Variants in FLT3LG observed in about 807,000 individuals in gnomAD.
The protein encoded by FLT3LG is fms related receptor tyrosine kinase 3 ligand, also known as fms-related tyrosine kinase 3 ligand.
Under a neutral mutation model 30.9 loss-of-function variants are expected in FLT3LG, and 8 were observed. The ratio of observed to expected loss-of-function variants is 0.26; its 90% CI spans 0.15 to 0.47. FLT3LG has a LOEUF of 0.47. Among genes scored for constraint, FLT3LG ranks in the 20% least tolerant of loss-of-function variants. The pLI is 0.99. For missense variants in FLT3LG, 278 were observed against 306.2 expected, an observed-to-expected ratio of 0.91 and a Z score of 0.69; for synonymous variants, 123 against 135.9, an observed-to-expected ratio of 0.91 and a Z score of 0.66.
intron 8 of FLT3LG, among the ~76,000 whole-genome samples, chr19:49,485,288 C>T (rs1448438383): frequency 2.3e-5 from 3 of 129,604 alleles, no homozygotes; most frequent in African/African-American, 8.7e-5. Flanking sequence ...TCGCTCTTGT[C>T]GCCCAGGCTG....
At chr19:49,474,552 G>A in intron 1 of FLT3LG, 51 bp from the exon 2 acceptor site, 2 of 1,378,554 alleles carry the variant, frequency 1.5e-6, no homozygotes, top group Non-Finnish European at 2.0e-6. Flanking sequence ...GGCGGGCAGG[G>A]CAGGGGCTGG....
intron 8 of FLT3LG, 147 bp from the exon 9 acceptor site, chr19:49,485,868 C>T (rs967746604): frequency 6.6e-6 from 1 of 152,236 alleles, no homozygotes; most frequent in African/African-American, 2.4e-5. Flanking sequence ...ACAGCAATGC[C>T]CTAGCACATA....
chr19:49,479,128 C>A, intron 6 of FLT3LG, 81 bp downstream of exon 6: 2 of 1,249,418 alleles, frequency 1.6e-6, no homozygotes, highest in Admixed American at 3.2e-5. Flanking sequence ...CATCCCAGAC[C>A]CCATCTTTCT....
Position 49,478,912 on chromosome 19 carries a change from C to G in FLT3LG, c.346C>G (p.Pro116Ala), listed in dbSNP as rs1444977950. The change falls in exon 6 of 9, where the codon CCC becomes GCC. Residue 116 changes from proline to alanine, a missense_variant. Transcript: ENST00000597551. ...HFVTKCAFQP[P>A]PSCLRFVQTN... ...CGTCTCCCTCCCCTGCTCCCAGCCC[C>G]CCCCCAGCTGTCTTCGCTTCGTCCA... 3.8e-5 allele frequency: 58 copies of G among 1,531,810 alleles called. No homozygotes were observed. The highest frequency in any genetic ancestry group is 4.7e-5 in the Non-Finnish European group (53 of 1,136,986). The allele number at this position is 1,531,810 out of a possible 1,614,324, so 94.9% of individuals were successfully genotyped here.
chr19:49,474,787 G>A (rs554390182), intron 2 of FLT3LG, 115 bp downstream of exon 2: 77 of 1,174,614 alleles, frequency 6.6e-5, no homozygotes, highest in Admixed American at 4.5e-4. Flanking sequence ...GGAAATAGGA[G>A]GGGAGATGGA....
chr19:49,484,234 C>T (rs1209509897), intron 8 of FLT3LG, among the ~76,000 whole-genome samples: 1 of 150,022 alleles, frequency 6.7e-6, no homozygotes, highest in Non-Finnish European at 1.5e-5. Flanking sequence ...AGTTTTCCTC[C>T]CAACCTAGTC....
In FLT3LG at chr19:49,476,002, A is replaced by C; in HGVS notation, c.145-143A>C. ...TGCTTAGGGGTGTCATCCCTTTTTAAGGGCAAGGTTCTGTGGCTTCTTCTG... is the reference window on the plus strand; with the variant it reads ...TGCTTAGGGGTGTCATCCCTTTTTACGGGCAAGGTTCTGTGGCTTCTTCTG... On this transcript the variant is annotated intron_variant, in intron 3 of 8. Coordinates refer to ENST00000597551, the MANE Select transcript of FLT3LG (RefSeq NM_001459.4). The surrounding 1 kb of genome is among the most constrained non-coding windows in gnomAD (Gnocchi z 5.3). 2 of 1,082,100 alleles carry C rather than the reference A, an allele frequency of 1.8e-6. No homozygotes were observed. The highest frequency in any genetic ancestry group is 2.4e-5 in the East Asian group (1 of 42,380). 67.0% of individuals were successfully genotyped at this position (1,082,100 alleles called of 1,614,324 possible).
chr19:49,482,527 T>C (rs2079648708), intron 8 of FLT3LG: 1 of 152,148 alleles, frequency 6.6e-6, no homozygotes, highest in Admixed American at 6.6e-5. Context: ...CATAGGGTTG[T>C]TATGGGGTGA....
rs2079389126 is a variant in FLT3LG, at chr19:49,476,264, G to A, written c.198+66G>A. On this transcript the variant is annotated intron_variant, in intron 4 of 8. Transcript: ENST00000597551. The surrounding 1 kb of genome is among the most constrained non-coding windows in gnomAD (Gnocchi z 5.3). ...CACAGACTCAAGATGCTCCACCGAG[G>A]CGAGTGGATAACCAGGCCCTCCCCT... 4.7e-6 allele frequency: 7 copies of A among 1,476,136 alleles called. No homozygotes were observed. Among genetic ancestry groups the A allele is most frequent in the Non-Finnish European group, 6.6e-6 (7 of 1,060,748 alleles). The allele number at this position is 1,476,136 out of a possible 1,614,324, so 91.4% of individuals were successfully genotyped here.
intron 1 of FLT3LG, 58 bp downstream of exon 1, chr19:49,474,339 C>T: frequency 1.8e-6 from 1 of 553,052 alleles, no homozygotes; most frequent in Non-Finnish European, 3.2e-6. Context: ...GTCCCCACTC[C>T]TGGGGCAGGG....
Position 49,476,035 on chromosome 19 carries a change from C to T in FLT3LG, c.145-110C>T. On this transcript the variant is annotated intron_variant, in intron 3 of 8. Transcript: ENST00000597551. This position sits in a 1 kb window ranked among gnomAD's most constrained non-coding sequence, Gnocchi z 5.3. ...GTTCTGTGGCTTCTTCTGGGCTCCC[C>T]CTCTCTTGGTCTTGTCCCTCTCTCT... 1.6e-6 allele frequency: 2 copies of T among 1,277,956 alleles called. No individual in the cohort carries two copies. Among genetic ancestry groups the T allele is most frequent in the East Asian group, 4.6e-5 (2 of 43,312 alleles). The allele number at this position is 1,277,956 out of a possible 1,614,324, so 79.2% of individuals were successfully genotyped here.
chr19:49,484,679 T>G (rs1207181738), intron 8 of FLT3LG, among the ~76,000 whole-genome samples: 2 of 151,896 alleles, frequency 1.3e-5, no homozygotes, highest in Non-Finnish European at 2.9e-5. Flanking sequence ...GTATTTTTAG[T>G]AGAGATGGGG....
intron 8 of FLT3LG, among the ~76,000 whole-genome samples, chr19:49,483,080 C>G (rs2079669809): frequency 6.6e-6 from 1 of 152,010 alleles, no homozygotes; most frequent in South Asian, 2.1e-4. Flanking sequence ...ATTTTACATT[C>G]TTTTGTCATA....
intron 8 of FLT3LG, among the ~76,000 whole-genome samples, chr19:49,485,158 G>A (rs551006363): frequency 2.8e-5 from 4 of 142,948 alleles, no homozygotes; most frequent in South Asian, 4.3e-4. Context: ...GTAGTGCACC[G>A]GCCCCATCTC....
intron 8 of FLT3LG, chr19:49,482,522 G>A (rs1009065405): frequency 5.9e-5 from 9 of 152,116 alleles, no homozygotes; most frequent in African/African-American, 1.9e-4. Flanking sequence ...TCCACCATAG[G>A]GTTGTTATGG....
intron 8 of FLT3LG, among the ~76,000 whole-genome samples, chr19:49,485,662 G>A (rs1025398514): frequency 2.6e-5 from 4 of 151,982 alleles, no homozygotes; most frequent in Non-Finnish European, 2.9e-5. Flanking sequence ...AATTACAGGC[G>A]TGAGCCACTG....
chr19:49,480,564 C>T lies in FLT3LG; in HGVS notation c.673C>T (p.Pro225Ser), dbSNP rs1221116577. 4 of 1,613,348 alleles carry T rather than the reference C, an allele frequency of 2.5e-6. No homozygotes were observed. The highest frequency in any genetic ancestry group is 3.4e-6 in the Non-Finnish European group (4 of 1,179,736). ...PRPGEQVPPV[P>S]SPQDLLLVEH ...TTGGGGCCCACAGGTGCCCCCCGTC[C>T]CCAGTCCCCAGGACCTGCTGCTTGT... is the stretch of plus-strand genomic sequence containing the variant. Residue 225 changes from proline to serine, a missense_variant, in exon 8 of 9, where the codon CCC becomes TCC. By Grantham distance (74) the Pro-to-Ser change is moderately conservative. Transcript: ENST00000597551.
In FLT3LG at chr19:49,480,560, C is replaced by G. The variant is rs374435257; in HGVS notation, c.669C>G (p.Pro223=). 1 of 1,613,026 alleles carries G rather than the reference C, an allele frequency of 6.2e-7. No homozygotes were observed. The highest frequency in any genetic ancestry group is 1.3e-5 in the African/African-American group (1 of 74,908). ...CACTTTGGGGCCCACAGGTGCCCCC[C>G]GTCCCCAGTCCCCAGGACCTGCTGC... ...RTPRPGEQVP[P]VPSPQDLLLV... is the part of the protein sequence containing the mutation. Residue 223 remains proline (P), a synonymous_variant, in exon 8 of 9, where the codon CCC becomes CCG. Coordinates refer to ENST00000597551, the MANE Select transcript of FLT3LG (RefSeq NM_001459.4).
Position 49,476,679 on chromosome 19 carries a change from G to T in FLT3LG, c.342+113G>T. ...TTTGGACCATAGCCACCCAACGAAGGTAGAGCGAGAAGCGCCACCCTGCAG... is the reference window on the plus strand; with the variant it reads ...TTTGGACCATAGCCACCCAACGAAGTTAGAGCGAGAAGCGCCACCCTGCAG... On this transcript the variant is annotated intron_variant, in intron 5 of 8. Coordinates refer to ENST00000597551, the MANE Select transcript of FLT3LG (RefSeq NM_001459.4). This position sits in a 1 kb window ranked among gnomAD's most constrained non-coding sequence, Gnocchi z 5.3. 6.9e-7 allele frequency: 1 copy of T among 1,452,910 alleles called. No individual in the cohort carries two copies. Among genetic ancestry groups the T allele is most frequent in the Non-Finnish European group, 9.4e-7 (1 of 1,063,116 alleles). 90.0% of individuals were successfully genotyped at this position (1,452,910 alleles called of 1,614,324 possible). A position where few individuals can be genotyped will look rare whatever the true frequency, so the allele number is the denominator to read the frequency against.
Sources: allele counts gnomAD v4.1 joint callset (sites outside exome capture counted in the v4.1 genomes callset), GRCh38; gene constraint gnomAD v4.1.1; non-coding constraint Gnocchi (gnomAD v3.1); transcripts MANE v1.5; gene names NCBI Gene and HGNC (gene_info 2026-07-23, HGNC 2026-07-21).